The following NELL1 variants were observed in gnomAD, a reference collection of about 807,000 sequenced individuals.
The protein encoded by NELL1 is neural EGFL like 1.
Under a neutral mutation model 107.4 loss-of-function variants are expected in NELL1, and 76 were observed. That is an observed-to-expected ratio of 0.71 (90% CI 0.59 to 0.86). The LOEUF (loss-of-function observed/expected upper bound fraction) is 0.86, where lower values mean the gene tolerates loss of function less well. Among genes scored for constraint, NELL1 ranks in the 40% least tolerant of loss-of-function variants. NELL1 has a pLI of 0.00. For synonymous variants in NELL1, 353 were observed against 341.2 expected, an observed-to-expected ratio of 1.03 and a Z score of -0.38; for missense variants, 1,024 against 1,005.5, an observed-to-expected ratio of 1.02 and a Z score of -0.25.
At chr11:21,472,368 T>A (rs537985502) in intron 15 of NELL1, among the ~76,000 whole-genome samples, 1 of 152,130 alleles carries the variant, frequency 6.6e-6, no homozygotes, top group Non-Finnish European at 1.5e-5. Flanking sequence ...CCTGAGTTGT[T>A]GAACTTTAAA....
At chr11:21,260,640 G>C (rs1296905072) in intron 14 of NELL1, 1 of 151,862 alleles carries the variant, frequency 6.6e-6, no homozygotes, top group Non-Finnish European at 1.5e-5. Context: ...TCTAGCAGGT[G>C]ACCCAGCAGA....
chr11:21,173,701 C>T (rs569322412), intron 13 of NELL1, among the ~76,000 whole-genome samples: 1 of 151,650 alleles, frequency 6.6e-6, no homozygotes, highest in East Asian at 1.9e-4. Context: ...TGGTGGGTGG[C>T]ATTTCATAAG....
chr11:21,286,635 A>G (rs563986941), intron 14 of NELL1, among the ~76,000 whole-genome samples: 1 of 152,294 alleles, frequency 6.6e-6, no homozygotes, highest in African/African-American at 2.4e-5. Context: ...GGGGTTTATG[A>G]TACACTTCAG....
At position 21,342,109 on chromosome 11, in the gene NELL1, C is replaced by G. The variant is rs372492209; in HGVS notation, c.1550-28744C>G. Among the ~76,000 whole-genome samples, 356 of 152,226 alleles carry G rather than the reference C, an allele frequency of 2.3e-3. 1 individual carries two copies. Among genetic ancestry groups the G allele is most frequent in the African/African-American group, 8.4e-3 (348 of 41,540 alleles). Reference sequence around the variant, plus strand: ...CTGTATGTGGAGTGCCTACAGAAAGCCTGGGTGAGAGAAGGTATATAAAAA... The same window carrying G: ...CTGTATGTGGAGTGCCTACAGAAAGGCTGGGTGAGAGAAGGTATATAAAAA... On this transcript the variant is annotated intron_variant, in intron 14 of 19. Transcript: ENST00000357134.
At position 21,232,664 on chromosome 11, in the gene NELL1, A is replaced by AT. The variant is rs923083815; in HGVS notation, c.1549+3217dup. 4.9e-4 allele frequency among the ~76,000 whole-genome samples: 75 copies of AT among 152,084 alleles called. 1 individual carries two copies. The highest frequency in any genetic ancestry group is 9.6e-4 in the Non-Finnish European group (65 of 67,954). On this transcript the variant is annotated intron_variant, in intron 14 of 19. Coordinates refer to ENST00000357134, the MANE Select transcript of NELL1 (RefSeq NM_006157.5). Reference sequence around the variant, plus strand: ...TAAGTCTTTTTTATTTTCACTTTTTATTTTTTTGAGACAGGGTCTTGCTCT... The same window carrying AT: ...TAAGTCTTTTTTATTTTCACTTTTTATTTTTTTTGAGACAGGGTCTTGCTCT...
chr11:21,026,659 T>C (rs1852821543), intron 12 of NELL1, among the ~76,000 whole-genome samples: 1 of 152,142 alleles, frequency 6.6e-6, no homozygotes. Flanking sequence ...ACTCATTCAG[T>C]GTTTGTTGAA....
At chr11:20,719,646 A>G (rs903584538) in intron 2 of NELL1, among the ~76,000 whole-genome samples, 3 of 152,090 alleles carry the variant, frequency 2.0e-5, no homozygotes, top group Admixed American at 6.5e-5. Flanking sequence ...TTCTTTTTCC[A>G]TTATAGTCTT....
At chr11:20,830,304 T>G (rs1186253542) in intron 3 of NELL1, among the ~76,000 whole-genome samples, 2 of 152,036 alleles carry the variant, frequency 1.3e-5, no homozygotes, top group East Asian at 3.9e-4. Flanking sequence ...GAAACTGCTT[T>G]TGAATCACTG....
At chr11:21,169,696 C>A (rs1856560549) in intron 13 of NELL1, 1 of 642,484 alleles carries the variant, frequency 1.6e-6, no homozygotes, top group South Asian at 2.1e-5. Context: ...GACTGTAAAT[C>A]ATAATTCCTT....
intron 12 of NELL1, among the ~76,000 whole-genome samples, chr11:20,994,796 G>T (rs911399622): frequency 1.3e-5 from 2 of 152,168 alleles, no homozygotes; most frequent in Non-Finnish European, 2.9e-5. Context: ...GTAATATCCT[G>T]CTGAGATTTA....
chr11:20,861,745 A>T (rs921419802), intron 4 of NELL1, among the ~76,000 whole-genome samples: 9 of 152,236 alleles, frequency 5.9e-5, no homozygotes, highest in Non-Finnish European at 1.3e-4. Context: ...GGTGAGCACA[A>T]TGAGAGACAG....
intron 15 of NELL1, among the ~76,000 whole-genome samples, chr11:21,490,814 G>A (rs1048675230): frequency 1.3e-5 from 2 of 151,946 alleles, no homozygotes; most frequent in Non-Finnish European, 2.9e-5. Flanking sequence ...ATCAATTAAG[G>A]ACTTAAACAT....
intron 12 of NELL1, among the ~76,000 whole-genome samples, chr11:21,068,053 AAAAAAAGACCTC>A (rs1853920701): frequency 1.3e-5 from 2 of 150,570 alleles, no homozygotes; most frequent in African/African-American, 4.9e-5. Context: ...AAAAAAAAAA[AAAAAAAGACCTC>A]TATTCTAGAA....
In NELL1 at chr11:21,309,260, GTATA is replaced by G. The variant is rs35920508; in HGVS notation, c.1550-61577_1550-61574del. Among the ~76,000 whole-genome samples the G allele has an allele frequency of 2.2e-3, 220 of 99,638 alleles. 1 individual carries two copies. Among genetic ancestry groups the G allele is most frequent in the African/African-American group, 6.5e-3 (169 of 26,134 alleles). The allele number at this position is 99,638 out of a possible 152,430, so 65.4% of individuals were successfully genotyped here. A position where few individuals can be genotyped will look rare whatever the true frequency, so the allele number is the denominator to read the frequency against. ...AAAAACCCACTCTAAATATATATAT[GTATA>G]TATATATATATATATGTATATATAT... On this transcript the variant is annotated intron_variant, in intron 14 of 19. Coordinates refer to ENST00000357134, the MANE Select transcript of NELL1 (RefSeq NM_006157.5).
At chr11:20,763,866 A>G (rs1435892736) in intron 2 of NELL1, among the ~76,000 whole-genome samples, 2 of 152,184 alleles carry the variant, frequency 1.3e-5, no homozygotes, top group African/African-American at 4.8e-5. Flanking sequence ...TGTGTGTAGT[A>G]TTAGCATAAG....
chr11:20,968,221 C>T (rs1050645084), intron 12 of NELL1, among the ~76,000 whole-genome samples: 2 of 152,108 alleles, frequency 1.3e-5, no homozygotes, highest in African/African-American at 2.4e-5. Context: ...GTGTGTTTTT[C>T]TGTTTAAAGT....
At chr11:20,923,578 G>A (rs531222284) in intron 7 of NELL1, among the ~76,000 whole-genome samples, 1 of 152,214 alleles carries the variant, frequency 6.6e-6, no homozygotes, top group South Asian at 2.1e-4. Context: ...CCTACCTGCT[G>A]GGAACATTGT....
At chr11:21,388,291 T>C (rs1851792498) in intron 15 of NELL1, among the ~76,000 whole-genome samples, 1 of 151,778 alleles carries the variant, frequency 6.6e-6, no homozygotes. Flanking sequence ...CCACTCACCA[T>C]GTGACCTTGA....
chr11:21,536,555 T>A (rs954194233), intron 16 of NELL1, among the ~76,000 whole-genome samples: 3 of 152,178 alleles, frequency 2.0e-5, no homozygotes, highest in Non-Finnish European at 4.4e-5. Flanking sequence ...TTTTCCTTGG[T>A]GTATGTTTCA....
Sources: gnomAD v4.1 joint callset for allele counts (sites outside exome capture counted in the v4.1 genomes callset) on GRCh38, gnomAD v4.1.1 for gene constraint, MANE v1.5 for transcripts, NCBI Gene and HGNC (gene_info 2026-07-23, HGNC 2026-07-21) for gene names.